The following METTL15 variants were observed in gnomAD, a reference collection of about 807,000 sequenced individuals.
The protein encoded by METTL15 is methyltransferase 15, mitochondrial 12S rRNA N4-cytidine, also known as 12S rRNA N(4)-cytidine methyltransferase METTL15.
A neutral mutation model predicts 38.3 loss-of-function variants in METTL15; 34 were observed. The ratio of observed to expected loss-of-function variants is 0.89; its 90% confidence interval spans 0.68 to 1.18. The LOEUF (loss-of-function observed/expected upper bound fraction) is 1.18. Ranked by LOEUF, METTL15 falls within the 50% of genes most tolerant of loss-of-function variation. The probability of loss-of-function intolerance (pLI) is 0.00; values close to 1 mark genes in which losing one functional copy is unlikely to be tolerated. For missense variants in METTL15, 438 were observed against 498.4 expected, an observed-to-expected ratio of 0.88 and a Z score of 1.15; for synonymous variants, 162 against 170.9, an observed-to-expected ratio of 0.95 and a Z score of 0.41.
At chr11:28,162,674 T>C (rs559221857) in intron 3 of METTL15, among the ~76,000 whole-genome samples, 6 of 152,134 alleles carry the variant, frequency 3.9e-5, no homozygotes, top group Non-Finnish European at 7.4e-5. Flanking sequence ...TTATACGTGC[T>C]CTGGACTCTT....
chr11:28,511,537 C>T (rs1450470056), intron 6 of METTL15, among the ~76,000 whole-genome samples: 2 of 152,034 alleles, frequency 1.3e-5, no homozygotes, highest in African/African-American at 2.4e-5. Context: ...TTCTGATGTT[C>T]GGATGTCTTC....
intron 4 of METTL15, among the ~76,000 whole-genome samples, chr11:28,234,996 AG>A (rs1464029836): frequency 6.6e-6 from 1 of 151,914 alleles, no homozygotes; most frequent in Non-Finnish European, 1.5e-5. Flanking sequence ...GATGTAAGGA[AG>A]GGATCCAGTT....
chr11:28,364,046 G>A (rs1232385984), intron 5 of METTL15, among the ~76,000 whole-genome samples: 1 of 152,020 alleles, frequency 6.6e-6, no homozygotes, highest in East Asian at 1.9e-4. Context: ...CTGCGTGCCT[G>A]TTTTTGTATT....
chr11:28,382,038 G>A (rs1006231889), intron 5 of METTL15, among the ~76,000 whole-genome samples: 1 of 152,058 alleles, frequency 6.6e-6, no homozygotes, highest in African/African-American at 2.4e-5. Context: ...ATTCTTTGCA[G>A]TTTACCTGTG....
intron 5 of METTL15, among the ~76,000 whole-genome samples, chr11:28,370,228 T>A (rs1850228870): frequency 6.6e-6 from 1 of 151,990 alleles, no homozygotes; most frequent in Non-Finnish European, 1.5e-5. Flanking sequence ...TCCCCTACCT[T>A]TCTTGGCCTT....
chr11:28,249,565 G>A (rs895235890), intron 4 of METTL15, among the ~76,000 whole-genome samples: 2 of 151,860 alleles, frequency 1.3e-5, no homozygotes, highest in African/African-American at 4.8e-5. Flanking sequence ...TAAAGGAAGG[G>A]TCAGTAAGTA....
intron 5 of METTL15, among the ~76,000 whole-genome samples, chr11:28,395,211 GT>G (rs1219628797): frequency 2.0e-5 from 3 of 151,978 alleles, no homozygotes; most frequent in Non-Finnish European, 2.9e-5. Context: ...TGTCTTTTGT[GT>G]TTAGTGTTAG....
intron 3 of METTL15, among the ~76,000 whole-genome samples, chr11:28,174,293 G>C (rs1478243759): frequency 8.0e-6 from 1 of 125,612 alleles, no homozygotes; most frequent in Admixed American, 7.2e-5. Flanking sequence ...TCTTGATTTT[G>C]AATCATAGTT....
At chr11:28,189,141 A>G (rs548566668) in intron 3 of METTL15, among the ~76,000 whole-genome samples, 2 of 151,430 alleles carry the variant, frequency 1.3e-5, no homozygotes, top group South Asian at 4.1e-4. Flanking sequence ...TTGAATTTTC[A>G]TTTCCTTCAG....
intron 4 of METTL15, among the ~76,000 whole-genome samples, chr11:28,252,405 C>T (rs1854782564): frequency 6.6e-6 from 1 of 152,046 alleles, no homozygotes; most frequent in Non-Finnish European, 1.5e-5. Context: ...CTGTAACTCC[C>T]TTACCTTATT....
chr11:28,239,766 A>G (rs540415015), intron 4 of METTL15, among the ~76,000 whole-genome samples: 1 of 152,144 alleles, frequency 6.6e-6, no homozygotes, highest in Non-Finnish European at 1.5e-5. Flanking sequence ...TCTCTGCTCA[A>G]ATGTCTTCTG....
intron 6 of METTL15, among the ~76,000 whole-genome samples, chr11:28,431,541 C>T (rs1355813547): frequency 1.8e-3 from 123 of 68,440 alleles, no homozygotes; most frequent in Middle Eastern, 9.7e-3. Context: ...GGATTAAGGG[C>T]GGTGCAAGAT....
intron 6 of METTL15, among the ~76,000 whole-genome samples, chr11:28,513,107 A>T (rs1851690118): frequency 6.6e-6 from 1 of 152,072 alleles, no homozygotes; most frequent in Non-Finnish European, 1.5e-5. Flanking sequence ...GATTACAAGA[A>T]CTCACTGCAC....
chr11:28,179,821 G>A (rs1323786707), intron 3 of METTL15, among the ~76,000 whole-genome samples: 2 of 151,754 alleles, frequency 1.3e-5, no homozygotes, highest in Admixed American at 6.6e-5. Context: ...AGGAAATAGA[G>A]CCAAGCAGTG....
In METTL15 at chr11:28,279,384, C is replaced by T. The variant is rs577906623; in HGVS notation, c.408-10822C>T. Reference sequence around the variant, plus strand: ...TTTCTTTTAATTAGAGTATTTACTTCAGTAATACTTGGTGTAATTACTGAT... The same window carrying T: ...TTTCTTTTAATTAGAGTATTTACTTTAGTAATACTTGGTGTAATTACTGAT... On this transcript the variant is annotated intron_variant, in intron 4 of 6. Coordinates refer to ENST00000407364, the MANE Select transcript of METTL15 (RefSeq NM_001113528.2). 3.3e-5 allele frequency among the ~76,000 whole-genome samples: 5 copies of T among 152,214 alleles called. No homozygotes were observed. In the East Asian group the frequency reaches 9.7e-4, roughly 29 times the overall value.
chr11:28,462,133 T>TG (rs1308529740), intron 6 of METTL15, among the ~76,000 whole-genome samples: 2 of 152,092 alleles, frequency 1.3e-5, no homozygotes, highest in Non-Finnish European at 2.9e-5. Flanking sequence ...AAGACAAGGA[T>TG]GCTTAATTGT....
chr11:28,527,367 G>A (rs1851819421), downstream of METTL15, among the ~76,000 whole-genome samples: 1 of 152,086 alleles, frequency 6.6e-6, no homozygotes, highest in Admixed American at 6.6e-5. Flanking sequence ...TAGCTAACTG[G>A]CTTTTCTGAG....
intron 4 of METTL15, among the ~76,000 whole-genome samples, chr11:28,259,735 T>G (rs746307553): frequency 4.0e-4 from 61 of 152,186 alleles, no homozygotes; most frequent in Admixed American, 1.3e-4. Context: ...TGCAGGTGAT[T>G]CAAGGCTGTT....
At chr11:28,235,813 C>T (rs201246430) in intron 4 of METTL15, among the ~76,000 whole-genome samples, 15 of 152,150 alleles carry the variant, frequency 9.9e-5, no homozygotes, top group Non-Finnish European at 8.8e-5. Flanking sequence ...TCTCCTGCCT[C>T]ATTGCCCTGG....
Sources: allele counts gnomAD v4.1 joint callset (sites outside exome capture counted in the v4.1 genomes callset), GRCh38; gene constraint gnomAD v4.1.1; transcripts MANE v1.5; gene names NCBI Gene and HGNC (gene_info 2026-07-23, HGNC 2026-07-21).